Variants in SH3D19 observed in about 807,000 individuals in gnomAD.
SH3D19 encodes the protein SH3 domain containing 19.
Under a neutral mutation model 112.1 loss-of-function variants are expected in SH3D19, and 58 were observed. That is an observed-to-expected ratio of 0.52 (90% confidence interval 0.42 to 0.64). The LOEUF is 0.64. SH3D19 is among the 30% of genes least tolerant of loss of function. The pLI, the probability that SH3D19 is intolerant of heterozygous loss-of-function variation, is 0.00. For missense variants in SH3D19, 1,090 were observed against 1,263.4 expected (o/e 0.86, Z 2.08); for synonymous variants, 391 against 448.5 (o/e 0.87, Z 1.62).
chr4:151,293,426 T>C (rs1016389340), intron 1 of SH3D19, among the ~76,000 whole-genome samples: 7 of 151,606 alleles, frequency 4.6e-5, no homozygotes, highest in Non-Finnish European at 8.8e-5. Flanking sequence ...TGAGCCGAGA[T>C]TGCGCCACTG....
chr4:151,315,867 A>T (rs1256715188), intron 1 of SH3D19, among the ~76,000 whole-genome samples: 3 of 152,204 alleles, frequency 2.0e-5, no homozygotes, highest in African/African-American at 7.2e-5. Context: ...GTATAGCATA[A>T]TTCTTTACTC....
chr4:151,139,714 C>T (rs1752637671), intron 13 of SH3D19, 61 bp downstream of exon 13: 2 of 1,483,508 alleles, frequency 1.3e-6, no homozygotes, highest in South Asian at 2.3e-5. Context: ...TAACCCCCGG[C>T]AGGGAAAAAG....
At chr4:151,279,157 C>G (rs1773930645) in intron 1 of SH3D19, 3 of 418,022 alleles carry the variant, frequency 7.2e-6, no homozygotes, top group Admixed American at 2.8e-5. Flanking sequence ...TCTTGGCCAT[C>G]TACAACACGT....
chr4:151,170,712 A>C (rs2149817106), intron 7 of SH3D19: 2 of 152,332 alleles, frequency 1.3e-5, no homozygotes, highest in African/African-American at 4.8e-5. Flanking sequence ...AGTTTCTTTC[A>C]GCCTAATTAT....
chr4:151,183,786 G>T (rs1054723467), intron 3 of SH3D19, among the ~76,000 whole-genome samples: 1 of 152,154 alleles, frequency 6.6e-6, no homozygotes, highest in Non-Finnish European at 1.5e-5. Context: ...TTGGGACAGG[G>T]TATAAGAGTT....
intron 1 of SH3D19, chr4:151,227,707 C>T (rs1769226181): frequency 1.0e-6 from 1 of 977,854 alleles, no homozygotes; most frequent in Admixed American, 6.2e-5. Flanking sequence ...AAAGTAAAGC[C>T]AGAAACTGAA....
At chr4:151,193,263 T>C (rs1561316944) in intron 2 of SH3D19, among the ~76,000 whole-genome samples, 1 of 150,648 alleles carries the variant, frequency 6.6e-6, no homozygotes, top group Non-Finnish European at 1.5e-5. Flanking sequence ...ATGTTTAAAA[T>C]AGGTTTGTTT....
chr4:151,247,063 G>A (rs926474855), intron 1 of SH3D19, among the ~76,000 whole-genome samples: 1 of 152,096 alleles, frequency 6.6e-6, no homozygotes, highest in Non-Finnish European at 1.5e-5. Context: ...TTGCTGTTTT[G>A]TGTATTACTT....
In SH3D19 at chr4:151,154,103, A is replaced by T. The variant is rs536163088; in HGVS notation, c.1756-4542T>A. Among the ~76,000 whole-genome samples the T allele has an allele frequency of 2.6e-4, 39 of 148,824 alleles. 1 individual carries two copies. The South Asian group carries it at 8.4e-3, about 32-fold the overall frequency. ...CAGCCTCCCAAGTAGCTGGGATTAT[A>T]GGCGCATGACACCACACCCGGCTGA... On this transcript the variant is annotated intron_variant, in intron 9 of 19. Coordinates refer to ENST00000604030, the MANE Select transcript of SH3D19 (RefSeq NM_001378122.1).
chr4:151,272,813 A>C (rs982899349), intron 1 of SH3D19, among the ~76,000 whole-genome samples: 1 of 150,884 alleles, frequency 6.6e-6, no homozygotes, highest in African/African-American at 2.4e-5. Context: ...ATCAGGAGGC[A>C]CATGTCTGCC....
chr4:151,290,455 G>T (rs982391403), intron 1 of SH3D19, among the ~76,000 whole-genome samples: 9 of 152,178 alleles, frequency 5.9e-5, no homozygotes, highest in African/African-American at 2.2e-4. Context: ...GATATTACAT[G>T]ATTCCATTTA....
chr4:151,304,579 G>A (rs1580453709), intron 1 of SH3D19, among the ~76,000 whole-genome samples: 1 of 152,214 alleles, frequency 6.6e-6, no homozygotes, highest in Non-Finnish European at 1.5e-5. Context: ...AAAGTGGCTA[G>A]CTAGAGGGCA....
At chr4:151,232,115 C>T (rs1769656901) in intron 1 of SH3D19, among the ~76,000 whole-genome samples, 2 of 152,130 alleles carry the variant, frequency 1.3e-5, no homozygotes, top group African/African-American at 2.4e-5. Flanking sequence ...ACCCGGGAGG[C>T]GGAGGTTGCA....
At chr4:151,273,847 T>C (rs2149999614) in intron 1 of SH3D19, among the ~76,000 whole-genome samples, 1 of 152,326 alleles carries the variant, frequency 6.6e-6, no homozygotes. Flanking sequence ...GCTAAAATTG[T>C]CTGTGAATAC....
intron 1 of SH3D19, among the ~76,000 whole-genome samples, chr4:151,259,279 T>A (rs1043282482): frequency 2.0e-5 from 3 of 152,096 alleles, no homozygotes; most frequent in Admixed American, 6.5e-5. Context: ...AACTGACAAA[T>A]GAGGATGAAC....
At position 151,204,072 on chromosome 4, in the gene SH3D19, GT is replaced by G. The variant is rs1764763854; in HGVS notation, c.153-16610del. On this transcript the variant is annotated intron_variant, in intron 2 of 19. Coordinates refer to ENST00000604030, the MANE Select transcript of SH3D19 (RefSeq NM_001378122.1). ...TACATTAATATATTTGTCACAATGT[GT>G]TTTTAAACTAGTCTGGTATAAATTC... 3.9e-5 allele frequency among the ~76,000 whole-genome samples: 6 copies of G among 152,104 alleles called. No individual in the cohort carries two copies. In the South Asian group the frequency reaches 1.2e-3, roughly 32 times the overall value.
intron 1 of SH3D19, among the ~76,000 whole-genome samples, chr4:151,288,075 C>T (rs1774993702): frequency 6.6e-6 from 1 of 151,618 alleles, no homozygotes; most frequent in Admixed American, 6.6e-5. Flanking sequence ...TCCAACAACG[C>T]TTCACGTTAA....
intron 2 of SH3D19, among the ~76,000 whole-genome samples, chr4:151,215,514 T>G (rs1311215379): frequency 1.3e-5 from 2 of 152,220 alleles, no homozygotes; most frequent in African/African-American, 2.4e-5. Flanking sequence ...TTTCATTTTT[T>G]TAATTAACAA....
intron 1 of SH3D19, among the ~76,000 whole-genome samples, chr4:151,306,022 C>T (rs1179213042): frequency 6.6e-6 from 1 of 151,960 alleles, no homozygotes; most frequent in East Asian, 1.9e-4. Flanking sequence ...AAAAGAAGCC[C>T]GTCTCAGAGG....
Sources: allele counts gnomAD v4.1 joint callset (sites outside exome capture counted in the v4.1 genomes callset), GRCh38; gene constraint gnomAD v4.1.1; transcripts MANE v1.5; gene names NCBI Gene and HGNC (gene_info 2026-07-23, HGNC 2026-07-21).